Variants in VPS13B observed in about 807,000 individuals in gnomAD.
VPS13B encodes the protein intermembrane lipid transfer protein VPS13B.
VPS13B carries 285 observed loss-of-function variants against 426.4 expected under a neutral mutation model. The ratio of observed to expected loss-of-function variants is 0.67; its 90% CI spans 0.61 to 0.74. The LOEUF is 0.74. Among genes scored for constraint, VPS13B ranks in the 30% least tolerant of loss-of-function variants. VPS13B has a pLI of 0.00. For synonymous variants in VPS13B, 1,676 were observed against 1,676.4 expected, an observed-to-expected ratio of 1.00 and a Z score of 0.01; for missense variants, 4,537 against 4,782.6, an observed-to-expected ratio of 0.95 and a Z score of 1.51.
intron 30 of VPS13B, among the ~76,000 whole-genome samples, chr8:99,551,616 T>A (rs1291006781): frequency 6.6e-6 from 1 of 151,984 alleles, no homozygotes; most frequent in African/African-American, 2.4e-5. Context: ...GTTATTTTAG[T>A]GGCTACTCTG....
chr8:99,761,350 C>G (rs181511068), intron 39 of VPS13B, among the ~76,000 whole-genome samples: 3 of 152,320 alleles, frequency 2.0e-5, no homozygotes. Context: ...TGGCATTCTT[C>G]CACATCTCTT....
At chr8:99,252,991 C>G (rs887772810) in intron 17 of VPS13B, among the ~76,000 whole-genome samples, 3 of 152,054 alleles carry the variant, frequency 2.0e-5, no homozygotes, top group Non-Finnish European at 4.4e-5. Flanking sequence ...AATCATTCCC[C>G]ATTCCTATTT....
intron 17 of VPS13B, among the ~76,000 whole-genome samples, chr8:99,259,428 C>A (rs917201114): frequency 2.0e-5 from 3 of 152,008 alleles, no homozygotes; most frequent in African/African-American, 7.2e-5. Flanking sequence ...TTGGCAACCC[C>A]ACTAACCAGT....
chr8:99,159,513 G>T (rs1811528842), intron 15 of VPS13B, among the ~76,000 whole-genome samples: 1 of 152,112 alleles, frequency 6.6e-6, no homozygotes, highest in African/African-American at 2.4e-5. Flanking sequence ...AAACTTCATT[G>T]TTGTCTTATT....
At position 99,234,071 on chromosome 8, in the gene VPS13B, C is replaced by T. The variant is rs541231713; in HGVS notation, c.2516-40127C>T. 140 of 778,230 alleles carry T rather than the reference C, an allele frequency of 1.8e-4. 1 individual carries two copies. The highest frequency in any genetic ancestry group is 1.8e-3 in the South Asian group (130 of 72,600). The allele number at this position is 778,230 out of a possible 1,614,324, so 48.2% of individuals were successfully genotyped here. On this transcript the variant is annotated intron_variant, in intron 17 of 61. Coordinates refer to ENST00000357162, the MANE Select transcript of VPS13B (RefSeq NM_152564.5). ...ATCCGCAGCGGGAAATCAGTCTGTC[C>T]GGCCTGAGAAGAGCCCCCAGGGCGT...
chr8:99,121,487 A>G, intron 8 of VPS13B, 42 bp downstream of exon 8: 3 of 1,609,084 alleles, frequency 1.9e-6, no homozygotes, highest in Non-Finnish European at 2.5e-6. Flanking sequence ...ATCAACTTTA[A>G]TGCTTAAATT....
At chr8:99,469,153 T>C (rs1025182893) in intron 24 of VPS13B, among the ~76,000 whole-genome samples, 14 of 150,336 alleles carry the variant, frequency 9.3e-5, no homozygotes, top group Admixed American at 3.4e-4. Context: ...CATTATTTCA[T>C]GTTTTCTTTC....
At chr8:99,808,794 A>C (rs1813543316) in intron 43 of VPS13B, among the ~76,000 whole-genome samples, 1 of 145,754 alleles carries the variant, frequency 6.9e-6, no homozygotes. Flanking sequence ...ATAAGTACAT[A>C]ACAAAAAAAA....
intron 33 of VPS13B, among the ~76,000 whole-genome samples, chr8:99,603,119 A>G (rs1426188276): frequency 6.6e-6 from 1 of 152,254 alleles, no homozygotes; most frequent in Non-Finnish European, 1.5e-5. Context: ...ATGAGAAGGA[A>G]AAAATGATAC....
At chr8:99,341,186 G>A in intron 19 of VPS13B, 1 of 217,040 alleles carries the variant, frequency 4.6e-6, no homozygotes, top group Non-Finnish European at 9.6e-6. Context: ...GTGGTGGCAA[G>A]GCCTCTCACT....
chr8:99,556,378 C>A lies in VPS13B; in HGVS notation c.4746-72C>A. On this transcript the variant is annotated intron_variant, in intron 30 of 61. Coordinates refer to ENST00000357162, the MANE Select transcript of VPS13B (RefSeq NM_152564.5). ...ATGGTATTGACACTATGTTAGTGAA[C>A]AAAATAAACATAGAATGGTTATTTT... 2.8e-5 allele frequency: 42 copies of A among 1,494,524 alleles called. 1 individual carries two copies. The highest frequency in any genetic ancestry group is 3.6e-5 in the Non-Finnish European group (40 of 1,100,350). The allele number at this position is 1,494,524 out of a possible 1,614,324, so 92.6% of individuals were successfully genotyped here.
At chr8:99,182,668 G>C (rs1813005695) in intron 16 of VPS13B, among the ~76,000 whole-genome samples, 1 of 152,062 alleles carries the variant, frequency 6.6e-6, no homozygotes, top group African/African-American at 2.4e-5. Flanking sequence ...TCAGAGTAAT[G>C]GTATCCAGGT....
intron 35 of VPS13B, chr8:99,696,447 C>G: frequency 2.7e-6 from 1 of 368,470 alleles, no homozygotes; most frequent in Non-Finnish European, 5.3e-6. Flanking sequence ...CCAGGCAAAG[C>G]GCAGGCAGTT....
chr8:99,729,700 G>A (rs891752825), intron 39 of VPS13B, among the ~76,000 whole-genome samples: 7 of 152,314 alleles, frequency 4.6e-5, no homozygotes, highest in Middle Eastern at 6.8e-3. Context: ...GCTTGATGGT[G>A]ATTTCATTGT....
At chr8:99,231,507 T>C (rs967592908) in intron 17 of VPS13B, among the ~76,000 whole-genome samples, 2 of 152,212 alleles carry the variant, frequency 1.3e-5, no homozygotes, top group African/African-American at 4.8e-5. Context: ...CTTTTCTTTT[T>C]TAATAAATGT....
At chr8:99,075,281 C>A (rs970873203) in intron 3 of VPS13B, among the ~76,000 whole-genome samples, 1 of 152,182 alleles carries the variant, frequency 6.6e-6, no homozygotes, top group Admixed American at 6.5e-5. Flanking sequence ...TAGCCGGCAT[C>A]TGCCTAGCTT....
chr8:99,275,293 T>A, intron 19 of VPS13B, 39 bp downstream of exon 19: 1 of 1,253,304 alleles, frequency 8.0e-7, no homozygotes, highest in Non-Finnish European at 1.1e-6. Flanking sequence ...GTTTTGCTTT[T>A]TTTTTTTTTT....
At chr8:99,853,311 A>G (rs1588785540) in intron 55 of VPS13B, 140 bp from the exon 56 acceptor site, 1 of 831,234 alleles carries the variant, frequency 1.2e-6, no homozygotes, top group East Asian at 2.7e-5. Flanking sequence ...ATGTACTGAA[A>G]GTTGAGTTCT....
intron 25 of VPS13B, 85 bp from the exon 26 acceptor site, chr8:99,501,602 A>G: frequency 7.3e-7 from 1 of 1,373,284 alleles, no homozygotes; most frequent in South Asian, 1.3e-5. Flanking sequence ...TACAAATAAT[A>G]ATTTCTGATT....
Sources: gnomAD v4.1 joint callset for allele counts (sites outside exome capture counted in the v4.1 genomes callset) on GRCh38, gnomAD v4.1.1 for gene constraint, MANE v1.5 for transcripts, NCBI Gene and HGNC (gene_info 2026-07-23, HGNC 2026-07-21) for gene names.